Variants in GIT2 observed in about 807,000 individuals in gnomAD.
GIT2 encodes GIT ArfGAP 2.
Under a neutral mutation model 100.3 loss-of-function variants are expected in GIT2, and 32 were observed. The observed-to-expected ratio is 0.32, with a 90% confidence interval of 0.24 to 0.43. GIT2 has a LOEUF of 0.43. GIT2 is among the 20% of genes least tolerant of loss of function. GIT2 has a pLI of 1.00. For missense variants in GIT2, 737 were observed against 975.1 expected, an observed-to-expected ratio of 0.76 and a Z score of 3.25; for synonymous variants, 353 against 364.1, an observed-to-expected ratio of 0.97 and a Z score of 0.35.
chr12:109,959,732 C>A lies in GIT2; in HGVS notation c.1099+115G>T, dbSNP rs953213901. ...TAAAGTAAAAAAACAAACAAAAAAC[C>A]AAAAACCTATAGAACTGTCATGTTG... On this transcript the variant is annotated intron_variant, in intron 12 of 19. Coordinates refer to ENST00000355312, the MANE Select transcript of GIT2 (RefSeq NM_057169.5). 4.5e-6 allele frequency: 3 copies of A among 672,062 alleles called. No homozygotes were observed. In the South Asian group the frequency reaches 5.7e-5, roughly 13 times the overall value. The allele number at this position is 672,062 out of a possible 1,614,324, so 41.6% of individuals were successfully genotyped here.
intron 1 of GIT2, 156 bp from the exon 2 acceptor site, chr12:109,991,916 T>C: frequency 1.6e-6 from 1 of 614,204 alleles, no homozygotes; most frequent in Non-Finnish European, 2.9e-6. Flanking sequence ...TGTTGGATGG[T>C]ATGACCTACC....
In GIT2 at chr12:109,981,478, A is replaced by C. The variant is rs147918930; in HGVS notation, c.624-432T>G. 1.0e-3 allele frequency: 174 copies of C among 167,814 alleles called. No individual in the cohort carries two copies. In the Middle Eastern group the frequency reaches 0.016, roughly 15 times the overall value. The allele number at this position is 167,814 out of a possible 1,614,324, so 10.4% of individuals were successfully genotyped here. A position where few individuals can be genotyped will look rare whatever the true frequency, so the allele number is the denominator to read the frequency against. On this transcript the variant is annotated intron_variant, in intron 6 of 19. Transcript: ENST00000355312. Reference sequence around the variant, plus strand: ...GGACAGGATGGGGCCAGGGGCCAATATGTTGAAGAAGGTCCTTCCCCTAGG... The same window carrying C: ...GGACAGGATGGGGCCAGGGGCCAATCTGTTGAAGAAGGTCCTTCCCCTAGG...
At chr12:109,951,708 GA>G (rs1458905977) in intron 13 of GIT2, among the ~76,000 whole-genome samples, 1 of 152,188 alleles carries the variant, frequency 6.6e-6, no homozygotes, top group African/African-American at 2.4e-5. Context: ...TATTAGAAAA[GA>G]GACAAAGATT....
At chr12:109,961,518 G>A (rs749397249) in intron 10 of GIT2, 95 bp downstream of exon 10, 62 of 952,344 alleles carry the variant, frequency 6.5e-5, no homozygotes, top group Non-Finnish European at 1.0e-4. Context: ...GCACCATCAG[G>A]ACAGCAGAAA....
chr12:109,957,721 T>C (rs1404923275), intron 12 of GIT2, among the ~76,000 whole-genome samples: 1 of 152,058 alleles, frequency 6.6e-6, no homozygotes, highest in Non-Finnish European at 1.5e-5. Context: ...TTAGCCAGGA[T>C]GGTCTCGATC....
chr12:109,954,616 T>C (rs1320702002), intron 12 of GIT2: 2 of 151,950 alleles, frequency 1.3e-5, no homozygotes, highest in Non-Finnish European at 2.9e-5. Flanking sequence ...GACTAGGTCC[T>C]AGCTGGGCGC....
rs377662480 is a variant in GIT2 at position 109,945,211 on chromosome 12, G to A, written c.1731+49C>T. 6 of 923,022 alleles carry A rather than the reference G, an allele frequency of 6.5e-6. No homozygotes were observed. The African/African-American group carries it at 8.1e-5, about 13-fold the overall frequency. The allele number at this position is 923,022 out of a possible 1,614,324, so 57.2% of individuals were successfully genotyped here. On this transcript the variant is annotated intron_variant, in intron 16 of 19. Transcript: ENST00000355312. The stretch of plus-strand genomic sequence containing the variant: ...CCAGAGCCCAAGCACAAAGCGCCCA[G>A]GAGCACGGCCCCTCCTCCAGAGAGC...
At position 109,947,107 on chromosome 12, in the gene GIT2, T is replaced by C. The variant is rs1876559235; in HGVS notation, c.1641+149A>G. ...TGCTTGTGGGAATATCGCAAGCATC[T>C]GTGGACATGTTAATACAGCAAACAC... On this transcript the variant is annotated intron_variant, in intron 15 of 19. Transcript: ENST00000355312. The surrounding 1 kb of genome is among the most constrained non-coding windows in gnomAD (Gnocchi z 4.3). 1.8e-5 allele frequency: 13 copies of C among 706,672 alleles called. No homozygotes were observed. The South Asian group carries it at 2.2e-4, about 12-fold the overall frequency. 43.8% of individuals were successfully genotyped at this position (706,672 alleles called of 1,614,324 possible).
chr12:109,999,754 CCGGCAGCTCGAGAA>C, upstream of GIT2: 1 of 1,531,988 alleles, frequency 6.5e-7, no homozygotes, highest in Non-Finnish European at 8.8e-7. The surrounding 1 kb of genome is among the most constrained non-coding windows in gnomAD (Gnocchi z 4.3). Context: ...AAAACGACTA[CCGGCAGCTCGAGAA>C]GGAGCTGCAG....
intron 4 of GIT2, 104 bp downstream of exon 4, chr12:109,988,848 CAAAAAAAAAAA>C (rs59956597): frequency 4.3e-4 from 88 of 204,962 alleles, no homozygotes; most frequent in East Asian, 6.8e-4. Context: ...GACTCTGTCT[CAAAAAAAAAAA>C]AAAAAAAAAA....
rs931321724 is a variant in GIT2 at position 109,961,754 on chromosome 12, A to G, written c.817-69T>C. 3 of 899,290 alleles carry G rather than the reference A, an allele frequency of 3.3e-6. No individual in the cohort carries two copies. In the African/African-American group the frequency reaches 4.9e-5, roughly 15 times the overall value. The allele number at this position is 899,290 out of a possible 1,614,324, so 55.7% of individuals were successfully genotyped here. On this transcript the variant is annotated intron_variant, in intron 9 of 19. Coordinates refer to ENST00000355312, the MANE Select transcript of GIT2 (RefSeq NM_057169.5). ...GCCAGGAGGACAAGAGGGAACTGCG[A>G]CTTAGTCACCCTTTTATTGCCTACG...
intron 7 of GIT2, among the ~76,000 whole-genome samples, chr12:109,971,779 G>A (rs942178249): frequency 2.0e-5 from 3 of 151,886 alleles, no homozygotes; most frequent in Non-Finnish European, 4.4e-5. Context: ...GATCACCTGA[G>A]GTCAGGAGTT....
At chr12:109,973,010 T>C (rs1884271630) in intron 7 of GIT2, among the ~76,000 whole-genome samples, 1 of 152,074 alleles carries the variant, frequency 6.6e-6, no homozygotes, top group Non-Finnish European at 1.5e-5. Context: ...GTTGCAGTTT[T>C]GTAGATGGGG....
chr12:109,945,144 G>A (rs1875955785), intron 16 of GIT2, 116 bp downstream of exon 16: 1 of 660,486 alleles, frequency 1.5e-6, no homozygotes, highest in Admixed American at 2.3e-5. Context: ...AGGAAGTGCT[G>A]CCTCATGCAG....
At chr12:109,989,094 A>C in intron 3 of GIT2, 26 bp from the exon 4 acceptor site, 1 of 1,345,840 alleles carries the variant, frequency 7.4e-7, no homozygotes, top group Non-Finnish European at 1.1e-6. Context: ...AAAAGAAAAC[A>C]GTTCACTCGT....
intron 18 of GIT2, among the ~76,000 whole-genome samples, chr12:109,936,332 G>GA (rs61638088): frequency 0.29 from 42,375 of 144,428 alleles, 8,971 homozygotes; most frequent in African/African-American, 0.61. Context: ...AACAAAGAAA[G>GA]AAAAAAAAAA....
At chr12:109,983,215 T>G in intron 6 of GIT2, 158 bp downstream of exon 6, 1 of 654,064 alleles carries the variant, frequency 1.5e-6, no homozygotes, top group Non-Finnish European at 2.6e-6. Flanking sequence ...TTTGCCAGGC[T>G]GAGCTTATAT....
Position 109,993,020 on chromosome 12 carries a change from G to GA in GIT2, c.53-1261dup, listed in dbSNP as rs748267963. 1.1e-3 allele frequency among the ~76,000 whole-genome samples: 148 copies of GA among 137,374 alleles called. 3 individuals carry two copies. The South Asian group carries it at 0.011, about 10-fold the overall frequency. 90.1% of individuals were successfully genotyped at this position (137,374 alleles called of 152,430 possible). On this transcript the variant is annotated intron_variant, in intron 1 of 19. Transcript: ENST00000355312. The stretch of plus-strand genomic sequence containing the variant: ...CCAAGTCCAATCCTGCAACTGATCT[G>GA]AAAAAAAAAAAAGAAGTTGCAATAA...
At chr12:109,993,365 C>A (rs1426511671) in intron 1 of GIT2, among the ~76,000 whole-genome samples, 1 of 152,182 alleles carries the variant, frequency 6.6e-6, no homozygotes, top group Non-Finnish European at 1.5e-5. Context: ...ACCATCTTTA[C>A]CATTTTTTAA....
Sources: gnomAD v4.1 joint callset for allele counts (sites outside exome capture counted in the v4.1 genomes callset) on GRCh38, gnomAD v4.1.1 for gene constraint, Gnocchi (gnomAD v3.1) non-coding constraint, MANE v1.5 for transcripts, NCBI Gene and HGNC (gene_info 2026-07-23, HGNC 2026-07-21) for gene names.